The following OSBP2 variants were observed in gnomAD, a reference collection of about 807,000 sequenced individuals.
The protein encoded by OSBP2 is oxysterol-binding protein 2.
In OSBP2, 66 loss-of-function variants were observed where a neutral mutation model predicts 96.0. That is an observed-to-expected ratio of 0.69 (90% CI 0.56 to 0.84). OSBP2 has a LOEUF of 0.84. OSBP2 is among the 40% of genes least tolerant of loss of function. The pLI is 0.00. For synonymous variants in OSBP2, 525 were observed against 520.9 expected (o/e 1.01, Z -0.11); for missense variants, 1,038 against 1,222.7 (o/e 0.85, Z 2.25).
intron 2 of OSBP2, among the ~76,000 whole-genome samples, chr22:30,776,290 TA>T (rs1421670886): frequency 6.6e-6 from 1 of 151,828 alleles, no homozygotes; most frequent in Non-Finnish European, 1.5e-5. Context: ...CATGCCTGGC[TA>T]ATTTTTTATT....
intron 2 of OSBP2, among the ~76,000 whole-genome samples, chr22:30,800,671 A>G (rs1452966429): frequency 2.0e-5 from 3 of 152,158 alleles, no homozygotes; most frequent in Non-Finnish European, 4.4e-5. Context: ...GGCAGAAGGT[A>G]GAAGACAACC....
At chr22:30,891,723 C>T (rs1365527420) in intron 8 of OSBP2, among the ~76,000 whole-genome samples, 1 of 150,438 alleles carries the variant, frequency 6.6e-6, no homozygotes, top group Admixed American at 6.6e-5. Flanking sequence ...GCTTTGGATA[C>T]GGGGGTGGGG....
chr22:30,850,292 G>T (rs543074891), intron 2 of OSBP2, among the ~76,000 whole-genome samples: 1 of 142,206 alleles, frequency 7.0e-6, no homozygotes, highest in Admixed American at 7.4e-5. Context: ...GGGTAACAGA[G>T]CTAGACTCTG....
At chr22:30,805,785 C>T (rs182918132) in intron 2 of OSBP2, among the ~76,000 whole-genome samples, 11 of 152,306 alleles carry the variant, frequency 7.2e-5, no homozygotes, top group African/African-American at 2.6e-4. Context: ...CATCCAGGAA[C>T]ATTGGCTGGT....
intron 2 of OSBP2, among the ~76,000 whole-genome samples, chr22:30,848,019 G>A (rs1366774752): frequency 6.6e-6 from 1 of 152,006 alleles, no homozygotes; most frequent in Non-Finnish European, 1.5e-5. Context: ...TAGAATTATA[G>A]TATACATACT....
At chr22:30,719,499 A>G (rs2089513028) in intron 1 of OSBP2, among the ~76,000 whole-genome samples, 1 of 152,098 alleles carries the variant, frequency 6.6e-6, no homozygotes, top group South Asian at 2.1e-4. Context: ...TCACACCTGT[A>G]ATCCCAGCAC....
chr22:30,825,142 G>T (rs938583945), intron 2 of OSBP2, among the ~76,000 whole-genome samples: 1 of 152,150 alleles, frequency 6.6e-6, no homozygotes, highest in African/African-American at 2.4e-5. Context: ...GCCTTCAGCC[G>T]ACTTCTTACC....
At position 30,896,714 on chromosome 22, in the gene OSBP2, C is replaced by T. The variant is rs142041848; in HGVS notation, c.2375+2713C>T. 6.3e-3 allele frequency among the ~76,000 whole-genome samples: 951 copies of T among 151,128 alleles called. 2 individuals carry two copies. The highest frequency in any genetic ancestry group is 0.041 in the Middle Eastern group (12 of 292). On this transcript the variant is annotated intron_variant, in intron 12 of 13. Transcript: ENST00000332585. ...CCAGGCTGGTATCCAGTGGCACGAT[C>T]ACAGCTCACTGCAGCCTCAAACACC...
chr22:30,801,089 A>T (rs1196429981), intron 2 of OSBP2, among the ~76,000 whole-genome samples: 15 of 152,314 alleles, frequency 9.8e-5, no homozygotes, highest in Middle Eastern at 3.4e-3. Flanking sequence ...TTCCATTCCA[A>T]ATGAGGAAAT....
intron 1 of OSBP2, among the ~76,000 whole-genome samples, chr22:30,705,507 G>A (rs1340841208): frequency 6.6e-6 from 1 of 152,034 alleles, no homozygotes; most frequent in East Asian, 1.9e-4. Flanking sequence ...TGGTCAGGCT[G>A]GTCTCGAACT....
At chr22:30,729,509 G>A (rs989573748) in intron 1 of OSBP2, among the ~76,000 whole-genome samples, 5 of 151,998 alleles carry the variant, frequency 3.3e-5, no homozygotes, top group Admixed American at 6.6e-5. Flanking sequence ...ATATTGGTGG[G>A]TGCCTATAAT....
chr22:30,879,100 G>T (rs1288235125), intron 3 of OSBP2, among the ~76,000 whole-genome samples: 1 of 152,218 alleles, frequency 6.6e-6, no homozygotes, highest in African/African-American at 2.4e-5. Context: ...ACATGCTGAG[G>T]CTTCTCTGAG....
At chr22:30,889,356 C>T in intron 6 of OSBP2, 122 bp downstream of exon 6, 1 of 1,404,050 alleles carries the variant, frequency 7.1e-7, no homozygotes, top group Non-Finnish European at 9.9e-7. Flanking sequence ...CCAGGAGCAC[C>T]ATCCTGGCCT....
At chr22:30,701,271 T>G (rs547906688) in intron 1 of OSBP2, among the ~76,000 whole-genome samples, 3 of 152,088 alleles carry the variant, frequency 2.0e-5, no homozygotes, top group Non-Finnish European at 4.4e-5. Context: ...CCAACTGCTG[T>G]GAAAACTGGG....
At chr22:30,905,004 G>A (rs543000778) in intron 12 of OSBP2, among the ~76,000 whole-genome samples, 200 of 152,088 alleles carry the variant, frequency 1.3e-3, no homozygotes, top group Middle Eastern at 6.8e-3. Flanking sequence ...TGGGTGTGGG[G>A]GCATGCCCTG....
chr22:30,835,102 CCTGT>C (rs543159874), intron 2 of OSBP2, among the ~76,000 whole-genome samples: 2 of 151,932 alleles, frequency 1.3e-5, no homozygotes, highest in East Asian at 3.9e-4. Context: ...CCATGCCTGG[CCTGT>C]CTTTCATTCT....
chr22:30,711,338 T>C (rs1181573691), intron 1 of OSBP2, among the ~76,000 whole-genome samples: 1 of 152,004 alleles, frequency 6.6e-6, no homozygotes, highest in African/African-American at 2.4e-5. Context: ...TACATACATA[T>C]ATATATAAAT....
intron 1 of OSBP2, among the ~76,000 whole-genome samples, chr22:30,734,318 C>A (rs894964984): frequency 6.6e-6 from 1 of 152,152 alleles, no homozygotes; most frequent in African/African-American, 2.4e-5. Context: ...GGCCTTAGAT[C>A]ATGGCTGGTA....
At chr22:30,783,880 A>C (rs117498931) in intron 2 of OSBP2, among the ~76,000 whole-genome samples, 3,112 of 152,280 alleles carry the variant, frequency 0.02, 126 homozygotes, top group East Asian at 0.13. Context: ...AGGTAAACCA[A>C]CTGGTGCTGA....
Sources: gnomAD v4.1 joint callset for allele counts (sites outside exome capture counted in the v4.1 genomes callset) on GRCh38, gnomAD v4.1.1 for gene constraint, MANE v1.5 for transcripts, NCBI Gene and HGNC (gene_info 2026-07-23, HGNC 2026-07-21) for gene names.